CSGALNACT1: variants seen among roughly 807,000 people sequenced by gnomAD.
The protein encoded by CSGALNACT1 is chondroitin sulfate N-acetylgalactosaminyltransferase 1, also known as beta4GalNAcT-1.
CSGALNACT1 carries 52 observed loss-of-function variants against 51.0 expected under a neutral mutation model. The observed-to-expected ratio is 1.02, with a 90% CI of 0.82 to 1.29. CSGALNACT1 has a LOEUF of 1.29. Ranked by LOEUF, CSGALNACT1 falls within the 50% of genes most tolerant of loss-of-function variation. The pLI, the probability that CSGALNACT1 is intolerant of heterozygous loss-of-function variation, is 0.00. For synonymous variants in CSGALNACT1, 341 were observed against 254.4 expected (o/e 1.34, Z -3.24); for missense variants, 935 against 679.2 (o/e 1.38, Z -4.19).
rs2060163670 is a variant in CSGALNACT1 at position 19,676,088 on chromosome 8, AAACAAAACAAAAC to A, written c.-544+6372_-544+6384del. ...ATGGATGGTGGTTGTCTGATTTAAA[AAACAAAACAAAAC>A]AAAAAAAACTCCCAGATTACAAAAG... On this transcript the variant is annotated intron_variant, in intron 1 of 9. Coordinates refer to the CSGALNACT1 transcript ENST00000332246. Among the ~76,000 whole-genome samples, 3 of 125,832 alleles carry A rather than the reference AAACAAAACAAAAC, an allele frequency of 2.4e-5. 1 individual carries two copies. The highest frequency in any genetic ancestry group is 8.5e-5 in the African/African-American group (3 of 35,140). The allele number at this position is 125,832 out of a possible 152,430, so 82.6% of individuals were successfully genotyped here.
At chr8:19,520,964 G>T (rs535557592) in intron 3 of CSGALNACT1, among the ~76,000 whole-genome samples, 4 of 152,172 alleles carry the variant, frequency 2.6e-5, no homozygotes, top group South Asian at 2.1e-4. Context: ...AGGTGCTTTC[G>T]CAGATGTGTG....
At chr8:19,537,262 A>G (rs1297743227) in intron 3 of CSGALNACT1, among the ~76,000 whole-genome samples, 1 of 152,138 alleles carries the variant, frequency 6.6e-6, no homozygotes, top group Non-Finnish European at 1.5e-5. Flanking sequence ...TTGATGGGAC[A>G]GCTCACCAGT....
At chr8:19,416,682 C>T (rs111672666) in intron 8 of CSGALNACT1, among the ~76,000 whole-genome samples, 28 of 152,294 alleles carry the variant, frequency 1.8e-4, no homozygotes, top group African/African-American at 6.7e-4. Context: ...AGGACAGTCA[C>T]ATGCTGTACA....
intron 3 of CSGALNACT1, among the ~76,000 whole-genome samples, chr8:19,567,441 G>C (rs1472105546): frequency 1.3e-5 from 2 of 152,176 alleles, no homozygotes; most frequent in Non-Finnish European, 2.9e-5. Context: ...CAAAGTGTAT[G>C]ATAAAACTCA....
At chr8:19,457,784 A>C (rs371567371) in intron 5 of CSGALNACT1, 2 of 1,351,436 alleles carry the variant, frequency 1.5e-6, no homozygotes, top group Non-Finnish European at 2.0e-6. Context: ...TCAAGGGCTT[A>C]AAGGCACACA....
At chr8:19,432,078 TC>T (rs766097144) in intron 6 of CSGALNACT1, among the ~76,000 whole-genome samples, 1 of 152,196 alleles carries the variant, frequency 6.6e-6, no homozygotes, top group Non-Finnish European at 1.5e-5. Context: ...CTTTACGTCT[TC>T]ATGTGGATTT....
Position 19,637,845 on chromosome 8 carries a change from T to G in CSGALNACT1, c.-543-35980A>C, listed in dbSNP as rs542685757. Among the ~76,000 whole-genome samples, 3 of 151,832 alleles carry G rather than the reference T, an allele frequency of 2.0e-5. No homozygotes were observed. In the East Asian group the frequency reaches 5.8e-4, roughly 29 times the overall value. On this transcript the variant is annotated intron_variant, in intron 1 of 9. Coordinates refer to the CSGALNACT1 transcript ENST00000332246. The stretch of plus-strand genomic sequence containing the variant: ...CTCGAAATCAGCCTGACCAGTTTTT[T>G]TTTTTTTTTTTAAACAAACATAGAA...
chr8:19,420,046 A>C (rs190693552), intron 7 of CSGALNACT1, among the ~76,000 whole-genome samples: 1 of 152,168 alleles, frequency 6.6e-6, no homozygotes, highest in Non-Finnish European at 1.5e-5. Context: ...TGCTGCCATG[A>C]TAGACTTCCC....
At chr8:19,471,081 G>A (rs1230126814) in intron 4 of CSGALNACT1, among the ~76,000 whole-genome samples, 1 of 151,946 alleles carries the variant, frequency 6.6e-6, no homozygotes, top group Non-Finnish European at 1.5e-5. Flanking sequence ...GAGCAACAGA[G>A]CAAGACTCTG....
intron 3 of CSGALNACT1, among the ~76,000 whole-genome samples, chr8:19,539,948 GC>G (rs2084703631): frequency 6.6e-6 from 1 of 152,120 alleles, no homozygotes; most frequent in Admixed American, 6.5e-5. Context: ...TGAGTAGCTG[GC>G]TCCATCAGAC....
intron 6 of CSGALNACT1, among the ~76,000 whole-genome samples, chr8:19,437,326 C>A (rs933023703): frequency 6.6e-6 from 1 of 152,096 alleles, no homozygotes; most frequent in Non-Finnish European, 1.5e-5. Context: ...AAATTCTGCT[C>A]CCAGTTTGGC....
chr8:19,547,926 A>G (rs1182931040), intron 3 of CSGALNACT1, among the ~76,000 whole-genome samples: 1 of 152,134 alleles, frequency 6.6e-6, no homozygotes, highest in East Asian at 1.9e-4. Context: ...GTTGGTAGTT[A>G]TTGATGGGAA....
At chr8:19,404,359 T>G (rs760984516) in exon 10 of CSGALNACT1, 1 of 453,930 alleles carries the variant, frequency 2.2e-6, no homozygotes, top group South Asian at 1.6e-5. Flanking sequence ...AAGAGATAAT[T>G]AGCTCATGCA....
At chr8:19,411,688 T>C (rs2055773426) in intron 8 of CSGALNACT1, among the ~76,000 whole-genome samples, 2 of 152,328 alleles carry the variant, frequency 1.3e-5, no homozygotes, top group South Asian at 4.1e-4. Flanking sequence ...TCCACCATTC[T>C]GTTCAAGCAC....
chr8:19,416,268 C>G (rs2153687198), intron 8 of CSGALNACT1, among the ~76,000 whole-genome samples: 1 of 152,152 alleles, frequency 6.6e-6, no homozygotes, highest in South Asian at 2.1e-4. Context: ...GCGCATACCA[C>G]CATGCCCAGC....
intron 1 of CSGALNACT1, among the ~76,000 whole-genome samples, chr8:19,724,935 G>A (rs536384988): frequency 1.3e-5 from 2 of 152,220 alleles, no homozygotes; most frequent in South Asian, 2.1e-4. Flanking sequence ...ACCATCCCAC[G>A]TAAGCAGAGA....
At chr8:19,700,379 C>A (rs989526626) in intron 1 of CSGALNACT1, among the ~76,000 whole-genome samples, 3 of 152,132 alleles carry the variant, frequency 2.0e-5, no homozygotes, top group East Asian at 3.9e-4. Flanking sequence ...TATTAATAAA[C>A]CTGGCCCAGT....
At chr8:19,653,763 A>C (rs377311319) in intron 1 of CSGALNACT1, among the ~76,000 whole-genome samples, 14 of 151,488 alleles carry the variant, frequency 9.2e-5, no homozygotes, top group Non-Finnish European at 2.1e-4. Flanking sequence ...TTGCCACTGC[A>C]CTCCAGCATG....
At chr8:19,539,931 G>C (rs760079044) in intron 3 of CSGALNACT1, among the ~76,000 whole-genome samples, 2 of 152,326 alleles carry the variant, frequency 1.3e-5, no homozygotes, top group Non-Finnish European at 2.9e-5. Context: ...CCTGAGAGGA[G>C]TTGGGGTGAG....
Sources: gnomAD v4.1 joint callset for allele counts (sites outside exome capture counted in the v4.1 genomes callset) on GRCh38, gnomAD v4.1.1 for gene constraint, MANE v1.5 for transcripts, NCBI Gene and HGNC (gene_info 2026-07-23, HGNC 2026-07-21) for gene names.